The following ZBTB8OS variants were observed in gnomAD, a reference collection of about 807,000 sequenced individuals.
ZBTB8OS encodes the protein tRNA splicing ligase complex subunit 1, also known as tRNA-splicing ligase-activating factor archease.
In ZBTB8OS, 16 loss-of-function variants were observed where a neutral mutation model predicts 29.3. The ratio of observed to expected loss-of-function variants is 0.55; its 90% CI spans 0.37 to 0.83. The LOEUF (loss-of-function observed/expected upper bound fraction) is 0.83. Among genes scored for constraint, ZBTB8OS ranks in the 40% least tolerant of loss-of-function variants. The probability of loss-of-function intolerance (pLI) is 0.00; values close to 1 mark genes in which losing one functional copy is unlikely to be tolerated. For synonymous variants in ZBTB8OS, 70 were observed against 64.6 expected (o/e 1.08, Z -0.40); for missense variants, 160 against 196.9 (o/e 0.81, Z 1.12).
chr1:32,630,460 G>A (rs1472268191), intron 5 of ZBTB8OS, among the ~76,000 whole-genome samples: 2 of 152,178 alleles, frequency 1.3e-5, no homozygotes, highest in African/African-American at 2.4e-5. Context: ...GGCTGAGAAA[G>A]GAGGATCACT....
intron 6 of ZBTB8OS, among the ~76,000 whole-genome samples, chr1:32,623,843 A>G (rs1644910056): frequency 6.6e-6 from 1 of 152,164 alleles, no homozygotes; most frequent in African/African-American, 2.4e-5. Context: ...ACATACTGAT[A>G]TATTTTGGCT....
At chr1:32,644,600 A>T (rs1646694800) in intron 1 of ZBTB8OS, among the ~76,000 whole-genome samples, 1 of 143,884 alleles carries the variant, frequency 7.0e-6, no homozygotes, top group Non-Finnish European at 1.5e-5. Context: ...TGGCATGATG[A>T]TAACCCACTG....
intron 5 of ZBTB8OS, chr1:32,627,815 G>A (rs1036589233): frequency 7.0e-6 from 3 of 431,268 alleles, no homozygotes; most frequent in African/African-American, 2.0e-5. Context: ...AGGGAGGATC[G>A]CTTGAGCCCA....
intron 5 of ZBTB8OS, among the ~76,000 whole-genome samples, chr1:32,630,783 G>A (rs529918670): frequency 3.3e-5 from 5 of 150,918 alleles, no homozygotes; most frequent in South Asian, 2.1e-4. Context: ...GGGCTGATGC[G>A]GGCAGATCAC....
intron 6 of ZBTB8OS, among the ~76,000 whole-genome samples, chr1:32,622,700 C>A (rs918386149): frequency 2.7e-5 from 4 of 150,860 alleles, no homozygotes; most frequent in African/African-American, 9.8e-5. Flanking sequence ...CGTATATGTA[C>A]CCCATGAACC....
intron 1 of ZBTB8OS, among the ~76,000 whole-genome samples, chr1:32,635,889 G>C (rs1237414542): frequency 6.6e-6 from 1 of 152,110 alleles, no homozygotes; most frequent in East Asian, 1.9e-4. Context: ...GGACCAACCA[G>C]TCTGTCTTTC....
intron 1 of ZBTB8OS, among the ~76,000 whole-genome samples, chr1:32,643,134 G>A (rs368206513): frequency 1.5e-5 from 2 of 132,750 alleles, no homozygotes; most frequent in Non-Finnish European, 3.1e-5. Context: ...ACAATGGCAC[G>A]ATCTCCGCTC....
chr1:32,627,606 G>A lies in ZBTB8OS; in HGVS notation c.381-62C>T. The A allele has an allele frequency of 2.0e-6, 3 of 1,529,794 alleles. No individual in the cohort carries two copies. In the Admixed American group the frequency reaches 5.2e-5, roughly 27 times the overall value. 94.8% of individuals were successfully genotyped at this position (1,529,794 alleles called of 1,614,324 possible). Reference sequence around the variant, plus strand: ...TCTCTCTTTATATGTTTTAAAATAAGCCTTGTAAATGTGGTTAACATGCTA... The same window carrying A: ...TCTCTCTTTATATGTTTTAAAATAAACCTTGTAAATGTGGTTAACATGCTA... On this transcript the variant is annotated intron_variant, in intron 5 of 6. Transcript: ENST00000468695.
rs1570545339 is a variant in ZBTB8OS, at chr1:32,631,814, T to C, written c.380+13A>G. ...AACTTTAACTCGGTACTTAAAAGAC[T>C]TTCAAAACTTACCCAATTGATCGTA... On this transcript the variant is annotated intron_variant, in intron 5 of 6. Transcript: ENST00000468695. The C allele has an allele frequency of 1.3e-6, 2 of 1,580,210 alleles. No homozygotes were observed. The highest frequency in any genetic ancestry group is 4.5e-5 in the East Asian group (2 of 44,422).
At chr1:32,650,607 T>C (rs753199197), upstream of ZBTB8OS, 10 of 1,611,754 alleles carry the variant, frequency 6.2e-6, no homozygotes, top group Admixed American at 1.7e-4. Context: ...CGCTCTAGAC[T>C]CCGCCCCTTG....
chr1:32,634,463 G>A, intron 2 of ZBTB8OS: 1 of 436,974 alleles, frequency 2.3e-6, no homozygotes. Flanking sequence ...CTGACCTCAT[G>A]ATCCGTCCGC....
intron 1 of ZBTB8OS, among the ~76,000 whole-genome samples, chr1:32,640,451 T>A (rs1646308472): frequency 6.6e-6 from 1 of 152,098 alleles, no homozygotes; most frequent in Non-Finnish European, 1.5e-5. Context: ...TCTGTAACCA[T>A]CACAATGAAC....
chr1:32,622,693 A>G (rs962530192), intron 6 of ZBTB8OS, among the ~76,000 whole-genome samples: 1 of 151,960 alleles, frequency 6.6e-6, no homozygotes, highest in Non-Finnish European at 1.5e-5. Context: ...ACAAACTCGT[A>G]TATGTACCCC....
rs770378945 is a variant in ZBTB8OS at position 32,621,889 on chromosome 1, C to T, written c.477G>A (p.Pro159=). ...AAATGTCAATGATCACAAAAACTTC[C>T]GGGTTCTCTTCATTATAGACCTGCA... ...SAMQVYNEEN[P]EVFVIIDI is the part of the protein sequence containing the mutation. Residue 159 remains proline, a synonymous_variant, in exon 7 of 7, where the codon CCG becomes CCA. Coordinates refer to ENST00000468695, the MANE Select transcript of ZBTB8OS (RefSeq NM_178547.5). The T allele has an allele frequency of 1.9e-5, 30 of 1,593,046 alleles. No individual in the cohort carries two copies. Among genetic ancestry groups the T allele is most frequent in the Admixed American group, 5.5e-5 (3 of 54,570 alleles).
At chr1:32,625,115 C>T (rs1645017003) in intron 6 of ZBTB8OS, among the ~76,000 whole-genome samples, 2 of 149,580 alleles carry the variant, frequency 1.3e-5, no homozygotes, top group Non-Finnish European at 1.5e-5. Flanking sequence ...CCCAGCTACT[C>T]GGGAGGCTGA....
chr1:32,633,138 C>A (rs1645699445), intron 4 of ZBTB8OS: 1 of 152,228 alleles, frequency 6.6e-6, no homozygotes, highest in African/African-American at 2.4e-5. Context: ...AGTTGTTTAA[C>A]TTAGGCCAAT....
At position 32,649,428 on chromosome 1, in the gene ZBTB8OS, C is replaced by CAA. The variant is rs1395859060; in HGVS notation, c.97+1004_97+1005insTT. Reference sequence around the variant, plus strand: ...AGATTTTAAGCAGATAAATAAAAGTCAGATTTGTGCTCCCCAAACCACAGC... The same window carrying CAA: ...AGATTTTAAGCAGATAAATAAAAGTCAAAGATTTGTGCTCCCCAAACCACAGC... On this transcript the variant is annotated intron_variant, in intron 1 of 6. Transcript: ENST00000468695. Among the ~76,000 whole-genome samples the CAA allele has an allele frequency of 2.0e-5, 3 of 152,144 alleles. No homozygotes were observed. The East Asian group carries it at 5.8e-4, about 29-fold the overall frequency.
chr1:32,640,065 G>A (rs984414550), intron 1 of ZBTB8OS: 1 of 151,944 alleles, frequency 6.6e-6, no homozygotes, highest in Non-Finnish European at 1.5e-5. Flanking sequence ...AAAAATTATG[G>A]ATAATCTTTT....
chr1:32,621,980 AAAG>A, intron 6 of ZBTB8OS, 32 bp from the exon 7 acceptor site: 1 of 1,422,546 alleles, frequency 7.0e-7, no homozygotes, highest in Non-Finnish European at 9.6e-7. Flanking sequence ...AAAAAAAAAA[AAAG>A]GAAAATAGGA....
Sources: gnomAD v4.1 joint callset for allele counts (sites outside exome capture counted in the v4.1 genomes callset) on GRCh38, gnomAD v4.1.1 for gene constraint, MANE v1.5 for transcripts, NCBI Gene and HGNC (gene_info 2026-07-23, HGNC 2026-07-21) for gene names.